BRF1: variants seen among roughly 807,000 people sequenced by gnomAD.
The protein encoded by BRF1 is BRF1 general transcription factor IIIB subunit, also known as transcription factor IIIB 90 kDa subunit.
Under a neutral mutation model 81.7 loss-of-function variants are expected in BRF1, and 59 were observed. That is an observed-to-expected ratio of 0.72 (90% CI 0.59 to 0.90). The LOEUF (loss-of-function observed/expected upper bound fraction) is 0.90, where lower values mean the gene tolerates loss of function less well. Among genes scored for constraint, BRF1 ranks in the 40% least tolerant of loss-of-function variants. The pLI is 0.00. For missense variants in BRF1, 1,050 were observed against 936.3 expected (o/e 1.12, Z -1.58); for synonymous variants, 491 against 395.6 (o/e 1.24, Z -2.86).
intron 5 of BRF1, chr14:105,250,373 G>A (rs1258400198): frequency 3.1e-6 from 5 of 1,613,796 alleles, no homozygotes; most frequent in Non-Finnish European, 4.2e-6. Context: ...TGAGTACAGC[G>A]TGAAGATTGA....
At chr14:105,224,659 GGCCTCA>G (rs1357152736) in intron 10 of BRF1, among the ~76,000 whole-genome samples, 1 of 152,072 alleles carries the variant, frequency 6.6e-6, no homozygotes, top group Non-Finnish European at 1.5e-5. Flanking sequence ...GTGATCCTCC[GGCCTCA>G]GCCTCCCGAG....
In BRF1 at chr14:105,250,484, G is replaced by C. The variant is rs587598398; in HGVS notation, c.544+2023C>G. 3 of 1,613,998 alleles carry C rather than the reference G, an allele frequency of 1.9e-6. No individual in the cohort carries two copies. In the East Asian group the frequency reaches 6.7e-5, roughly 36 times the overall value. ...GGTCTGGTTTGAACACCCGGTCCAG[G>C]TTGAACAAGACACCTTCTACACGGC... On this transcript the variant is annotated intron_variant, in intron 5 of 17. Coordinates refer to ENST00000547530, the MANE Select transcript of BRF1 (RefSeq NM_001519.4).
Position 105,209,924 on chromosome 14 carries a change from G to A in BRF1, c.*627C>T, listed in dbSNP as rs1889884710. The A allele has an allele frequency of 1.3e-5, 5 of 381,852 alleles. No homozygotes were observed. The highest frequency in any genetic ancestry group is 1.6e-4 in the South Asian group (2 of 12,176). 23.7% of individuals were successfully genotyped at this position (381,852 alleles called of 1,614,324 possible). ...CAGGCAGCGGGGAGGGGGGTCTGGA[G>A]GAGGCAGGGGTGGGGGTGTCTGCCT... On this transcript the variant is annotated 3_prime_UTR_variant, in exon 18 of 18. Coordinates refer to ENST00000547530, the MANE Select transcript of BRF1 (RefSeq NM_001519.4).
chr14:105,294,021 G>A (rs1160710742), intron 1 of BRF1, among the ~76,000 whole-genome samples: 1 of 152,186 alleles, frequency 6.6e-6, no homozygotes, highest in Non-Finnish European at 1.5e-5. Context: ...TGTGTGCCAG[G>A]GAAACTGAGA....
chr14:105,241,723 C>T (rs2054666067), intron 5 of BRF1: 2 of 435,738 alleles, frequency 4.6e-6, no homozygotes, highest in Non-Finnish European at 8.6e-6. Flanking sequence ...AGCAGCCTTC[C>T]CTCCAGACCA....
chr14:105,229,053 T>A (rs587603534), intron 6 of BRF1, 140 bp from the exon 7 acceptor site: 1 of 756,020 alleles, frequency 1.3e-6, no homozygotes, highest in Admixed American at 1.9e-5. Context: ...AGTGAGACCC[T>A]CACTTGGCAT....
At chr14:105,286,512 G>A (rs944516614) in intron 1 of BRF1, 136 bp from the exon 2 acceptor site, 57 of 850,888 alleles carry the variant, frequency 6.7e-5, no homozygotes, top group Non-Finnish European at 2.3e-5. Flanking sequence ...TCGGCCCCCC[G>A]CACCTCCGTC....
chr14:105,273,038 A>G (rs2056726678), intron 2 of BRF1, 144 bp from the exon 3 acceptor site: 1 of 941,132 alleles, frequency 1.1e-6, no homozygotes, highest in Non-Finnish European at 1.5e-6. Context: ...TGTGGGTTCC[A>G]ATCACTTTTT....
rs756767517 is a variant in BRF1, at chr14:105,220,127, T to C, written c.1319A>G (p.Asp440Gly). 4.3e-6 allele frequency: 7 copies of C among 1,613,346 alleles called. No homozygotes were observed. In the African/African-American group the frequency reaches 6.7e-5, roughly 15 times the overall value. Residue 440 changes from aspartate (D) to glycine (G), a missense_variant, in exon 12 of 18, where the codon GAT (aspartate) becomes GGT (glycine). Asp to Gly is a moderately conservative substitution (Grantham distance 94, BLOSUM62 -1). Coordinates refer to ENST00000547530, the MANE Select transcript of BRF1 (RefSeq NM_001519.4). ...GTCCAGCTCACCGTCTCCTGAAGCA[T>C]CTTCTGGAGGGAAGCACAGCATCCG... ...CISSQSSDPK[D>G]ASGDGELDLS...
At chr14:105,285,179 T>C (rs772150821) in intron 2 of BRF1, among the ~76,000 whole-genome samples, 4 of 152,220 alleles carry the variant, frequency 2.6e-5, no homozygotes, top group Non-Finnish European at 4.4e-5. Context: ...AAAATTCATA[T>C]TGCCACTCAA....
chr14:105,295,726 G>A (rs968435575), intron 1 of BRF1, among the ~76,000 whole-genome samples: 2 of 151,716 alleles, frequency 1.3e-5, no homozygotes, highest in African/African-American at 4.8e-5. Flanking sequence ...CCAGGCTGCA[G>A]TGACCTGTGA....
intron 15 of BRF1, among the ~76,000 whole-genome samples, chr14:105,215,964 CAT>C (rs1302999610): frequency 2.2e-5 from 3 of 138,688 alleles, no homozygotes; most frequent in Non-Finnish European, 4.5e-5. Context: ...CACACACACA[CAT>C]GCACACACAC....
intron 5 of BRF1, 136 bp from the exon 6 acceptor site, chr14:105,241,550 T>C: frequency 8.6e-7 from 1 of 1,157,404 alleles, no homozygotes; most frequent in Non-Finnish European, 1.2e-6. Context: ...TCCCCTCCCC[T>C]GGACAAAGCC....
In BRF1 at chr14:105,284,997, T is replaced by C. The variant is rs1322401939; in HGVS notation, c.265+1299A>G. ...ACTTATACTCTGAGAACTAATAAAA[T>C]TGTTGAAACAAATTAAAGAAGACCC... On this transcript the variant is annotated intron_variant, in intron 2 of 17. Coordinates refer to ENST00000547530, the MANE Select transcript of BRF1 (RefSeq NM_001519.4). This position sits in a 1 kb window ranked among gnomAD's most constrained non-coding sequence, Gnocchi z 4.0. 2.0e-5 allele frequency among the ~76,000 whole-genome samples: 3 copies of C among 152,162 alleles called. No homozygotes were observed. Among genetic ancestry groups the C allele is most frequent in the Non-Finnish European group, 4.4e-5 (3 of 68,028 alleles).
chr14:105,280,990 G>C (rs587705714), intron 2 of BRF1, among the ~76,000 whole-genome samples: 2 of 148,288 alleles, frequency 1.3e-5, no homozygotes, highest in Non-Finnish European at 3.0e-5. Context: ...GTGACCCTGA[G>C]CCCGGGTGTG....
At chr14:105,263,162 G>A (rs1000947618) in intron 3 of BRF1, among the ~76,000 whole-genome samples, 19 of 150,856 alleles carry the variant, frequency 1.3e-4, no homozygotes, top group East Asian at 3.9e-4. Flanking sequence ...GCTTGAACCC[G>A]GGAGGCAGAG....
intron 6 of BRF1, among the ~76,000 whole-genome samples, chr14:105,229,249 T>G (rs1325481041): frequency 6.6e-6 from 1 of 152,198 alleles, no homozygotes; most frequent in Non-Finnish European, 1.5e-5. Context: ...CTGGGGACTC[T>G]GAGGATGCGG....
At chr14:105,221,340 A>C (rs1892254076) in intron 11 of BRF1, among the ~76,000 whole-genome samples, 1 of 152,152 alleles carries the variant, frequency 6.6e-6, no homozygotes, top group African/African-American at 2.4e-5. Context: ...GAGCTGCCCC[A>C]TGGGACTCCT....
intron 15 of BRF1, among the ~76,000 whole-genome samples, chr14:105,215,281 CAT>C (rs1474215433): frequency 6.6e-6 from 1 of 151,876 alleles, no homozygotes; most frequent in Non-Finnish European, 1.5e-5. Context: ...CACACGTGTA[CAT>C]AGAGACAAAG....
Sources: allele counts gnomAD v4.1 joint callset (sites outside exome capture counted in the v4.1 genomes callset), GRCh38; gene constraint gnomAD v4.1.1; non-coding constraint Gnocchi (gnomAD v3.1); transcripts MANE v1.5; gene names NCBI Gene and HGNC (gene_info 2026-07-23, HGNC 2026-07-21).